Variants in GNA14 observed in about 807,000 individuals in gnomAD.
GNA14 encodes the protein G protein subunit alpha 14, also known as guanine nucleotide-binding protein subunit alpha-14.
GNA14 carries 50 observed loss-of-function variants against 42.0 expected under a neutral mutation model. That is an observed-to-expected ratio of 1.19 (90% CI 0.95 to 1.51). The LOEUF (loss-of-function observed/expected upper bound fraction) is 1.51, where lower values mean the gene tolerates loss of function less well. Ranked by LOEUF, GNA14 falls within the 40% of genes most tolerant of loss-of-function variation. The pLI, the probability that GNA14 is intolerant of heterozygous loss-of-function variation, is 0.00. For missense variants in GNA14, 473 were observed against 446.2 expected (o/e 1.06, Z -0.54); for synonymous variants, 173 against 163.1 (o/e 1.06, Z -0.46).
At chr9:77,463,228 C>G (rs1564021949) in intron 2 of GNA14, among the ~76,000 whole-genome samples, 1 of 152,162 alleles carries the variant, frequency 6.6e-6, no homozygotes, top group Non-Finnish European at 1.5e-5. Context: ...CCTTTGCTCT[C>G]TGGATGAGGA....
intron 1 of GNA14, among the ~76,000 whole-genome samples, chr9:77,568,668 C>G (rs979069742): frequency 1.1e-4 from 16 of 152,084 alleles, no homozygotes; most frequent in African/African-American, 3.9e-4. Context: ...AACAGTTAAC[C>G]TGAGGAGGAA....
chr9:77,543,896 G>A (rs189251066), intron 1 of GNA14, among the ~76,000 whole-genome samples: 5 of 149,650 alleles, frequency 3.3e-5, no homozygotes, highest in Non-Finnish European at 5.9e-5. Flanking sequence ...TCCCATAAGT[G>A]CATTTAAAAG....
intron 2 of GNA14, among the ~76,000 whole-genome samples, chr9:77,515,980 A>AAAAAAAAAAAAAAAAC (rs1837251677): frequency 6.7e-6 from 1 of 148,568 alleles, no homozygotes; most frequent in East Asian, 2.0e-4. Flanking sequence ...AAAAAAAAAA[A>AAAAAAAAAAAAAAAAC]AAACCCAGAG....
chr9:77,544,695 G>T (rs1352752989), intron 1 of GNA14, among the ~76,000 whole-genome samples: 2 of 145,522 alleles, frequency 1.4e-5, no homozygotes, highest in Non-Finnish European at 3.0e-5. Context: ...AAAAAAAGAA[G>T]GTTCATGGGT....
At chr9:77,555,432 A>C (rs946560397) in intron 1 of GNA14, among the ~76,000 whole-genome samples, 1 of 152,184 alleles carries the variant, frequency 6.6e-6, no homozygotes, top group Admixed American at 6.5e-5. Context: ...TGAGCCTGGG[A>C]GGCCTAAGTT....
chr9:77,571,012 T>C (rs1263425890), intron 1 of GNA14, among the ~76,000 whole-genome samples: 1 of 152,196 alleles, frequency 6.6e-6, no homozygotes, highest in African/African-American at 2.4e-5. Flanking sequence ...TTAATGCTCA[T>C]GTACTCTATG....
intron 2 of GNA14, among the ~76,000 whole-genome samples, chr9:77,481,208 T>A (rs1263542620): frequency 3.3e-5 from 5 of 152,094 alleles, no homozygotes; most frequent in Admixed American, 1.3e-4. Context: ...TTCCCTCTAC[T>A]CACTGCTTTG....
chr9:77,494,209 C>T (rs1014890385), intron 2 of GNA14, among the ~76,000 whole-genome samples: 3 of 152,112 alleles, frequency 2.0e-5, no homozygotes, highest in African/African-American at 7.2e-5. Flanking sequence ...TGTGAGCCAC[C>T]GTGCCCGGCC....
chr9:77,591,493 T>TC (rs1405616436), intron 1 of GNA14, among the ~76,000 whole-genome samples: 2 of 152,186 alleles, frequency 1.3e-5, no homozygotes, highest in Non-Finnish European at 2.9e-5. Context: ...TTCTGGTCCC[T>TC]CCCTCTCTAG....
chr9:77,489,508 C>T lies in GNA14; in HGVS notation c.309+39561G>A, dbSNP rs115861842. Among the ~76,000 whole-genome samples, 298 of 152,274 alleles carry T rather than the reference C, an allele frequency of 2.0e-3. 3 individuals carry two copies. Among genetic ancestry groups the T allele is most frequent in the African/African-American group, 6.8e-3 (282 of 41,558 alleles). On this transcript the variant is annotated intron_variant, in intron 2 of 6. Coordinates refer to ENST00000341700, the MANE Select transcript of GNA14 (RefSeq NM_004297.4). ...TTCAAAAGCAAAGGACAAGTGTGTCCGGAATTGGTGGGTTCTTGGTTCCAC... is the reference window on the plus strand; with the variant it reads ...TTCAAAAGCAAAGGACAAGTGTGTCTGGAATTGGTGGGTTCTTGGTTCCAC...
intron 2 of GNA14, among the ~76,000 whole-genome samples, chr9:77,510,345 T>G (rs1412256604): frequency 3.9e-5 from 6 of 152,180 alleles, no homozygotes; most frequent in Non-Finnish European, 7.3e-5. Context: ...ACACTTTATT[T>G]TATTATTTTT....
chr9:77,474,513 A>G (rs1320758903), intron 2 of GNA14, among the ~76,000 whole-genome samples: 1 of 152,232 alleles, frequency 6.6e-6, no homozygotes, highest in Non-Finnish European at 1.5e-5. Context: ...AGCACTGGTG[A>G]GGATGTGGAG....
chr9:77,544,126 A>G (rs1480000854), intron 1 of GNA14, among the ~76,000 whole-genome samples: 3 of 152,230 alleles, frequency 2.0e-5, no homozygotes, highest in Non-Finnish European at 2.9e-5. Flanking sequence ...CCAAAACATT[A>G]TAACTGTTGC....
rs563320785 is a variant in GNA14 at position 77,627,211 on chromosome 9, T to C, written c.124+20459A>G. Among the ~76,000 whole-genome samples the C allele has an allele frequency of 5.9e-5, 9 of 152,226 alleles. No individual in the cohort carries two copies. The South Asian group carries it at 1.2e-3, about 21-fold the overall frequency. On this transcript the variant is annotated intron_variant, in intron 1 of 6. Coordinates refer to ENST00000341700, the MANE Select transcript of GNA14 (RefSeq NM_004297.4). ...GAAGGTGAATCCCTGAATAGACTAA[T>C]AACAGGTTCTGAAATTGAGGCAGTA...
At chr9:77,511,483 C>T (rs111864847) in intron 2 of GNA14, among the ~76,000 whole-genome samples, 23 of 152,286 alleles carry the variant, frequency 1.5e-4, no homozygotes, top group African/African-American at 5.5e-4. Context: ...TGTGTGTGTC[C>T]TGCAAAGATA....
chr9:77,456,079 C>T (rs12352752), intron 2 of GNA14, among the ~76,000 whole-genome samples: 21,627 of 152,054 alleles, frequency 0.14, 1,708 homozygotes, highest in Middle Eastern at 0.19. Flanking sequence ...TTATTGTGAC[C>T]ACCTAGTATA....
intron 4 of GNA14, among the ~76,000 whole-genome samples, chr9:77,431,055 TGTGTGTGTATGA>T: frequency 6.6e-6 from 1 of 151,278 alleles, no homozygotes. Context: ...TGTGTGTGTG[TGTGTGTGTATGA>T]GTGTGTGTTA....
chr9:77,647,766 C>A lies in GNA14; in HGVS notation c.28G>T (p.Glu10Ter). 1 of 1,610,356 alleles carries A rather than the reference C, an allele frequency of 6.2e-7. No individual in the cohort carries two copies. ...CTGATGCGCTGCGACTCCTTCTCCTCCGCGGACAGGCAGCAGCAGCCGGCC... is the reference window on the plus strand; with the variant it reads ...CTGATGCGCTGCGACTCCTTCTCCTACGCGGACAGGCAGCAGCAGCCGGCC... MAGCCCLSA[E>*]EKESQRISAE... The change falls in exon 1 of 7, where the codon GAG (glutamate) becomes TAG (stop). Residue 10 changes from glutamate to a stop codon, truncating the protein, a stop_gained. Coordinates refer to ENST00000341700, the MANE Select transcript of GNA14 (RefSeq NM_004297.4). LOFTEE classifies it high-confidence loss of function.
chr9:77,510,573 A>G (rs1837147690), intron 2 of GNA14, among the ~76,000 whole-genome samples: 1 of 152,222 alleles, frequency 6.6e-6, no homozygotes, highest in South Asian at 2.1e-4. Context: ...AGCATTAAAC[A>G]GATGAGCCTG....
Sources: gnomAD v4.1 joint callset for allele counts (sites outside exome capture counted in the v4.1 genomes callset) on GRCh38, gnomAD v4.1.1 for gene constraint, MANE v1.5 for transcripts, NCBI Gene and HGNC (gene_info 2026-07-23, HGNC 2026-07-21) for gene names.